The following ROBO2 variants were observed in gnomAD, a reference collection of about 807,000 sequenced individuals.
ROBO2 encodes the protein roundabout homolog 2.
Under a neutral mutation model 160.8 loss-of-function variants are expected in ROBO2, and 53 were observed. The observed-to-expected ratio is 0.33, with a 90% CI of 0.26 to 0.41. The LOEUF is 0.41. Among genes scored for constraint, ROBO2 ranks in the 10% least tolerant of loss-of-function variants. ROBO2 has a pLI of 1.00. For synonymous variants in ROBO2, 664 were observed against 611.7 expected (o/e 1.09, Z -1.26); for missense variants, 1,577 against 1,722.4 (o/e 0.92, Z 1.49).
intron 2 of ROBO2, among the ~76,000 whole-genome samples, chr3:77,268,717 C>T (rs556803142): frequency 6.6e-6 from 1 of 152,292 alleles, no homozygotes; most frequent in Non-Finnish European, 1.5e-5. Context: ...CTTGAGACAA[C>T]ATCACTGCAA....
chr3:76,030,537 T>G (rs1014798939), intron 2 of ROBO2, among the ~76,000 whole-genome samples: 1 of 152,224 alleles, frequency 6.6e-6, no homozygotes, highest in Non-Finnish European at 1.5e-5. Flanking sequence ...TTGAATTAGT[T>G]TTTGTATAAG....
At chr3:76,232,971 T>TGA (rs1704712256) in intron 2 of ROBO2, among the ~76,000 whole-genome samples, 1 of 152,194 alleles carries the variant, frequency 6.6e-6, no homozygotes, top group Non-Finnish European at 1.5e-5. Context: ...TCACTCTCTT[T>TGA]CTAAAGAAGA....
intron 2 of ROBO2, among the ~76,000 whole-genome samples, chr3:77,234,935 G>A (rs1266887098): frequency 6.6e-6 from 1 of 152,092 alleles, no homozygotes; most frequent in Non-Finnish European, 1.5e-5. Context: ...TTAATTCCAA[G>A]GGTTTTGATG....
chr3:76,671,438 T>C (rs1430216542), intron 2 of ROBO2, among the ~76,000 whole-genome samples: 1 of 152,160 alleles, frequency 6.6e-6, no homozygotes, highest in Non-Finnish European at 1.5e-5. Context: ...AGCTATTAAC[T>C]CTTGAGTGCG....
intron 2 of ROBO2, among the ~76,000 whole-genome samples, chr3:77,372,221 A>G (rs1051860962): frequency 1.3e-5 from 2 of 152,082 alleles, no homozygotes; most frequent in Non-Finnish European, 2.9e-5. Context: ...AAGAAAAGAA[A>G]AAGGAAAAGC....
chr3:76,400,287 G>A (rs1359065988), intron 2 of ROBO2, among the ~76,000 whole-genome samples: 2 of 151,588 alleles, frequency 1.3e-5, no homozygotes, highest in East Asian at 3.9e-4. Flanking sequence ...TTCTGCCAGT[G>A]AGATAGTGAA....
chr3:77,304,310 C>G (rs2062908205), intron 2 of ROBO2, among the ~76,000 whole-genome samples: 1 of 152,194 alleles, frequency 6.6e-6, no homozygotes, highest in African/African-American at 2.4e-5. Context: ...AGAAGGTTGG[C>G]TGGTCGTTGT....
At chr3:76,793,029 A>G (rs1019900468) in intron 2 of ROBO2, among the ~76,000 whole-genome samples, 1 of 151,828 alleles carries the variant, frequency 6.6e-6, no homozygotes, top group Non-Finnish European at 1.5e-5. Flanking sequence ...AGGCAATATA[A>G]TAAGTGTAAA....
rs546238320 is a variant in ROBO2, at chr3:76,887,800, T to C, written c.110-210214T>C. Among the ~76,000 whole-genome samples the C allele has an allele frequency of 2.6e-5, 4 of 152,234 alleles. No individual in the cohort carries two copies. The South Asian group carries it at 8.3e-4, about 32-fold the overall frequency. ...ATTGAGCTCTTAATCTCAGGTCAAGTGTCTTCTTATATCCCCTCCCTTGAT... is the reference window on the plus strand; with the variant it reads ...ATTGAGCTCTTAATCTCAGGTCAAGCGTCTTCTTATATCCCCTCCCTTGAT... On this transcript the variant is annotated intron_variant, in intron 2 of 26. Transcript: ENST00000487694.
At chr3:77,325,502 T>C (rs2065285942) in intron 2 of ROBO2, among the ~76,000 whole-genome samples, 5 of 152,200 alleles carry the variant, frequency 3.3e-5, no homozygotes, top group Admixed American at 3.3e-4. Context: ...TGGGCTTGAT[T>C]TAGTAGCACT....
intron 2 of ROBO2, among the ~76,000 whole-genome samples, chr3:76,338,386 G>C (rs913747719): frequency 6.6e-6 from 1 of 152,052 alleles, no homozygotes; most frequent in Non-Finnish European, 1.5e-5. Context: ...ATAGCAATTT[G>C]ATGACTAAAA....
chr3:77,455,131 G>T (rs1029328673), intron 2 of ROBO2, among the ~76,000 whole-genome samples: 1 of 152,154 alleles, frequency 6.6e-6, no homozygotes, highest in African/African-American at 2.4e-5. Context: ...CCCCAAAACA[G>T]TACATTTAAC....
intron 2 of ROBO2, among the ~76,000 whole-genome samples, chr3:76,607,580 A>G (rs1482094634): frequency 6.6e-6 from 1 of 152,234 alleles, no homozygotes; most frequent in African/African-American, 2.4e-5. Context: ...TTATTGCTTC[A>G]AAGAAGGCAC....
chr3:77,036,871 T>A (rs2063667716), upstream of ROBO2, among the ~76,000 whole-genome samples: 1 of 151,970 alleles, frequency 6.6e-6, no homozygotes, highest in Admixed American at 6.5e-5. Context: ...TAATTTTTTT[T>A]TTTTTTTGCT....
chr3:76,315,825 C>A (rs2071970944), intron 2 of ROBO2, among the ~76,000 whole-genome samples: 1 of 152,082 alleles, frequency 6.6e-6, no homozygotes, highest in Non-Finnish European at 1.5e-5. Context: ...AATGAAATAA[C>A]TTAATATTGG....
At chr3:77,280,399 A>G (rs982923883) in intron 2 of ROBO2, among the ~76,000 whole-genome samples, 3 of 152,148 alleles carry the variant, frequency 2.0e-5, no homozygotes, top group African/African-American at 7.2e-5. Flanking sequence ...TTGCCTTTCT[A>G]GATAGAGAAA....
At chr3:76,807,441 A>T (rs2064818125) in intron 2 of ROBO2, among the ~76,000 whole-genome samples, 1 of 152,096 alleles carries the variant, frequency 6.6e-6, no homozygotes, top group Non-Finnish European at 1.5e-5. Flanking sequence ...GCAGACCAAG[A>T]TGTAGAAGAC....
chr3:76,629,275 G>T (rs2089875081), intron 2 of ROBO2, among the ~76,000 whole-genome samples: 1 of 152,094 alleles, frequency 6.6e-6, no homozygotes, highest in South Asian at 2.1e-4. Context: ...TCTTTATTGT[G>T]TACAACTAAT....
chr3:77,390,326 A>G (rs2074587868), intron 2 of ROBO2, among the ~76,000 whole-genome samples: 1 of 152,182 alleles, frequency 6.6e-6, no homozygotes, highest in Admixed American at 6.5e-5. Context: ...CATCTTACAC[A>G]GTTTGGCTGT....
Sources: allele counts gnomAD v4.1 joint callset (sites outside exome capture counted in the v4.1 genomes callset), GRCh38; gene constraint gnomAD v4.1.1; transcripts MANE v1.5; gene names NCBI Gene and HGNC (gene_info 2026-07-23, HGNC 2026-07-21).